Variants in MCPH1 observed in about 807,000 individuals in gnomAD.
The protein encoded by MCPH1 is microcephalin 1.
MCPH1 carries 104 observed loss-of-function variants against 84.5 expected under a neutral mutation model. The ratio of observed to expected loss-of-function variants is 1.23; its 90% confidence interval spans 1.05 to 1.45. The LOEUF (loss-of-function observed/expected upper bound fraction) is 1.45. Ranked by LOEUF, MCPH1 falls within the 40% of genes most tolerant of loss-of-function variation. The pLI, the probability that MCPH1 is intolerant of heterozygous loss-of-function variation, is 0.00. For missense variants in MCPH1, 1,498 were observed against 1,005.7 expected, an observed-to-expected ratio of 1.49 and a Z score of -6.62; for synonymous variants, 514 against 366.8, an observed-to-expected ratio of 1.40 and a Z score of -4.58.
At chr8:6,551,342 C>G (rs1339320573) in intron 12 of MCPH1, among the ~76,000 whole-genome samples, 2 of 152,100 alleles carry the variant, frequency 1.3e-5, no homozygotes, top group Non-Finnish European at 2.9e-5. Context: ...CTATGCATGT[C>G]AGCTGCAACG....
At chr8:6,447,510 C>T (rs201157611) in intron 8 of MCPH1, 41 of 728,592 alleles carry the variant, frequency 5.6e-5, no homozygotes, top group East Asian at 1.3e-4. Flanking sequence ...GCTGATAGAA[C>T]GGGAACTGAG....
intron 13 of MCPH1, among the ~76,000 whole-genome samples, chr8:6,634,342 G>C (rs1170566761): frequency 6.6e-6 from 1 of 152,238 alleles, no homozygotes. Context: ...TGACGAGTTT[G>C]CCAAGATTAT....
chr8:6,630,476 TTAAA>T (rs1173041292), intron 13 of MCPH1, among the ~76,000 whole-genome samples: 2 of 152,036 alleles, frequency 1.3e-5, no homozygotes, highest in East Asian at 3.8e-4. Context: ...GTTAAAAAAA[TTAAA>T]TAGGTAAAAT....
At chr8:6,586,375 C>A (rs1024897433) in intron 12 of MCPH1, among the ~76,000 whole-genome samples, 1 of 152,212 alleles carries the variant, frequency 6.6e-6, no homozygotes, top group Admixed American at 6.5e-5. Flanking sequence ...CTCTTACCTG[C>A]CCCACCTTTA....
intron 3 of MCPH1, among the ~76,000 whole-genome samples, chr8:6,417,820 T>G (rs1244640675): frequency 6.6e-6 from 1 of 152,234 alleles, no homozygotes; most frequent in Non-Finnish European, 1.5e-5. Context: ...TTTTCTTTGA[T>G]AGTGTGTCAC....
At chr8:6,629,454 C>A (rs1338181563) in intron 13 of MCPH1, among the ~76,000 whole-genome samples, 1 of 151,960 alleles carries the variant, frequency 6.6e-6, no homozygotes, top group Admixed American at 6.6e-5. Context: ...AGAGCAAAAC[C>A]CCATCTCAAA....
chr8:6,596,077 G>A (rs1474660539), intron 12 of MCPH1, among the ~76,000 whole-genome samples: 5 of 152,202 alleles, frequency 3.3e-5, no homozygotes, highest in Non-Finnish European at 5.9e-5. Flanking sequence ...GTTTGCAGGA[G>A]CATTTAGAGC....
At chr8:6,475,091 G>T (rs1207502885) in intron 9 of MCPH1, among the ~76,000 whole-genome samples, 1 of 152,182 alleles carries the variant, frequency 6.6e-6, no homozygotes, top group African/African-American at 2.4e-5. Context: ...TTCTAAGCCA[G>T]TCAGAACAGA....
chr8:6,531,072 T>C (rs552265964), intron 12 of MCPH1, among the ~76,000 whole-genome samples: 2 of 152,256 alleles, frequency 1.3e-5, no homozygotes, highest in Admixed American at 1.3e-4. Context: ...GAAGCCAGGA[T>C]GAGGAGTCAG....
At chr8:6,555,455 G>T (rs1212252167) in intron 12 of MCPH1, among the ~76,000 whole-genome samples, 3 of 149,230 alleles carry the variant, frequency 2.0e-5, no homozygotes, top group African/African-American at 7.7e-5. Context: ...TTTACGGGGG[G>T]TGGTTTGCCC....
At chr8:6,574,181 C>T (rs1159362253) in intron 12 of MCPH1, among the ~76,000 whole-genome samples, 3 of 152,152 alleles carry the variant, frequency 2.0e-5, no homozygotes, top group Non-Finnish European at 2.9e-5. Flanking sequence ...TGCCACAAAC[C>T]GGGTGCCTAA....
intron 11 of MCPH1, among the ~76,000 whole-genome samples, chr8:6,490,875 A>C (rs2129561085): frequency 6.6e-6 from 1 of 151,940 alleles, no homozygotes; most frequent in South Asian, 2.1e-4. Context: ...TCTGAAAGAA[A>C]GTTTCTCTGC....
chr8:6,472,590 C>T (rs867098591), intron 9 of MCPH1, among the ~76,000 whole-genome samples: 1 of 152,024 alleles, frequency 6.6e-6, no homozygotes, highest in Non-Finnish European at 1.5e-5. Context: ...CCCCAGCCTC[C>T]CAAGTAGCTG....
chr8:6,581,797 G>A (rs1827586635), intron 12 of MCPH1, among the ~76,000 whole-genome samples: 2 of 152,142 alleles, frequency 1.3e-5, no homozygotes, highest in Non-Finnish European at 2.9e-5. Flanking sequence ...AGTTCTGGAG[G>A]CTGAGAAGTC....
At chr8:6,477,009 C>T (rs898082868) in intron 9 of MCPH1, among the ~76,000 whole-genome samples, 1 of 151,724 alleles carries the variant, frequency 6.6e-6, no homozygotes, top group Non-Finnish European at 1.5e-5. Context: ...AAATTTTTTG[C>T]AAGTCAGCGT....
intron 3 of MCPH1, among the ~76,000 whole-genome samples, chr8:6,427,489 A>G (rs889290450): frequency 6.6e-6 from 1 of 152,148 alleles, no homozygotes; most frequent in African/African-American, 2.4e-5. Context: ...CTCCTGCCTC[A>G]GCTTCCTGAG....
At chr8:6,485,031 A>C (rs572492982) in intron 11 of MCPH1, among the ~76,000 whole-genome samples, 3 of 152,348 alleles carry the variant, frequency 2.0e-5, no homozygotes, top group Non-Finnish European at 4.4e-5. Context: ...AATTTAAATT[A>C]AGAAGAATAT....
At chr8:6,596,316 C>A (rs1322787838) in intron 12 of MCPH1, among the ~76,000 whole-genome samples, 1 of 152,172 alleles carries the variant, frequency 6.6e-6, no homozygotes, top group Non-Finnish European at 1.5e-5. Flanking sequence ...TGGCGTTCTT[C>A]TTAGACTCTG....
chr8:6,423,185 C>CTTTTTTT lies in MCPH1; in HGVS notation c.233+8306_233+8307insTTTTTTT, dbSNP rs374999485. ...CTTAATCTTTTGGCATTTTTCTTTTCTTTTCTTTTTTTTTTTTTTTTTGAA... is the reference window on the plus strand; with the variant it reads ...CTTAATCTTTTGGCATTTTTCTTTTCTTTTTTTTTTTCTTTTTTTTTTTTTTTTTGAA... On this transcript the variant is annotated intron_variant, in intron 3 of 13. Coordinates refer to ENST00000344683, the MANE Select transcript of MCPH1 (RefSeq NM_024596.5). Among the ~76,000 whole-genome samples the CTTTTTTT allele has an allele frequency of 2.1e-3, 231 of 110,772 alleles. 1 individual carries two copies. The highest frequency in any genetic ancestry group is 3.4e-3 in the Non-Finnish European group (181 of 53,078). The allele number at this position is 110,772 out of a possible 152,430, so 72.7% of individuals were successfully genotyped here.
Sources: gnomAD v4.1 joint callset for allele counts (sites outside exome capture counted in the v4.1 genomes callset) on GRCh38, gnomAD v4.1.1 for gene constraint, MANE v1.5 for transcripts, NCBI Gene and HGNC (gene_info 2026-07-23, HGNC 2026-07-21) for gene names.